The following BIRC6 variants were observed in gnomAD, a reference collection of about 807,000 sequenced individuals.
BIRC6 encodes dual E2 ubiquitin-conjugating enzyme/E3 ubiquitin-protein ligase BIRC6.
BIRC6 carries 98 observed loss-of-function variants against 503.3 expected under a neutral mutation model. That is an observed-to-expected ratio of 0.19 (90% CI 0.17 to 0.23). The LOEUF (loss-of-function observed/expected upper bound fraction) is 0.23. Among genes scored for constraint, BIRC6 ranks in the 10% least tolerant of loss-of-function variants. BIRC6 has a pLI of 1.00. For missense variants in BIRC6, 5,360 were observed against 5,806.0 expected (o/e 0.92, Z 2.50); for synonymous variants, 2,240 against 2,078.7 (o/e 1.08, Z -2.11).
chr2:32,543,513 A>G lies in BIRC6; in HGVS notation c.12564A>G (p.Val4188=), dbSNP rs2057828164. Residue 4188 remains valine (V), a synonymous_variant, in exon 62 of 74, where the codon GTA becomes GTG. Coordinates refer to ENST00000421745, the MANE Select transcript of BIRC6 (RefSeq NM_016252.4). ...ATGCCCAGTGCCTTCTTCGATTGGT[A>G]TTGGGAGTGACAGATGATGGAGAAG... ...RKHAQCLLRL[V]LGVTDDGEGS... The G allele has an allele frequency of 1.9e-6, 3 of 1,613,830 alleles. No individual in the cohort carries two copies. Among genetic ancestry groups the G allele is most frequent in the East Asian group, 2.2e-5 (1 of 44,878 alleles).
intron 1 of BIRC6, among the ~76,000 whole-genome samples, chr2:32,364,757 T>TG (rs999057862): frequency 1.4e-5 from 2 of 146,046 alleles, no homozygotes; most frequent in South Asian, 2.1e-4. Flanking sequence ...TTAGATCGGG[T>TG]GTTTTTTTTT....
rs776885767 is a variant in BIRC6 at position 32,439,528 on chromosome 2, C to T, written c.3652C>T (p.Arg1218Cys). Residue 1218 changes from arginine (R) to cysteine (C), a missense_variant, in exon 16 of 74, where the codon CGT becomes TGT. Physicochemically the swap from Arg to Cys is radical, Grantham distance 180. Around this residue, in one of 16 missense-constraint regions of BIRC6, gnomAD observed 2,299 missense variants for 2,267.2 expected, o/e 1.01. Transcript: ENST00000421745. ...LVKGMAGGKYRSFLIHVKAVN... is the reference protein window; with the variant it reads ...LVKGMAGGKYCSFLIHVKAVN... ...TCTAGGTATGGCAGGAGGAAAATAT[C>T]GTTCGTTTTTAATCCATGTCAAGGC... 3 of 1,613,124 alleles carry T rather than the reference C, an allele frequency of 1.9e-6. No homozygotes were observed. Among genetic ancestry groups the T allele is most frequent in the South Asian group, 1.1e-5 (1 of 90,882 alleles).
intron 66 of BIRC6, chr2:32,590,985 C>T: frequency 1.0e-6 from 1 of 985,790 alleles, no homozygotes; most frequent in Non-Finnish European, 1.2e-6. Flanking sequence ...TAAGGTATGG[C>T]CTTTTTTCAT....
chr2:32,478,840 T>C (rs1242497178), intron 36 of BIRC6, 22 bp downstream of exon 36: 2 of 1,606,960 alleles, frequency 1.2e-6, no homozygotes, highest in South Asian at 1.1e-5. Flanking sequence ...TTTTTCTTCA[T>C]AGAGTATGTC....
intron 65 of BIRC6, among the ~76,000 whole-genome samples, chr2:32,556,326 GTAAAGT>G (rs942935372): frequency 7.2e-5 from 11 of 152,148 alleles, no homozygotes; most frequent in African/African-American, 2.7e-4. Flanking sequence ...GTACAGATTT[GTAAAGT>G]TAAAGTATTA....
At chr2:32,472,073 A>G (rs1311119194) in intron 32 of BIRC6, among the ~76,000 whole-genome samples, 1 of 152,216 alleles carries the variant, frequency 6.6e-6, no homozygotes, top group African/African-American at 2.4e-5. Context: ...ATAAAACTAC[A>G]TTCATATTGA....
intron 62 of BIRC6, 104 bp downstream of exon 62, chr2:32,543,645 C>A (rs1286653098): frequency 3.5e-6 from 4 of 1,154,164 alleles, no homozygotes; most frequent in South Asian, 1.5e-5. Flanking sequence ...CATAGTTAAG[C>A]TGTTAGATGA....
At chr2:32,464,864 A>G in intron 25 of BIRC6, 41 bp downstream of exon 25, 1 of 1,539,826 alleles carries the variant, frequency 6.5e-7, no homozygotes, top group Non-Finnish European at 8.7e-7. Context: ...AGACATTTAA[A>G]AATATCTTGA....
intron 66 of BIRC6, among the ~76,000 whole-genome samples, chr2:32,577,896 T>C (rs534848881): frequency 6.6e-6 from 1 of 152,344 alleles, no homozygotes; most frequent in African/African-American, 2.4e-5. Flanking sequence ...TTCAGACTTA[T>C]AAACTATGTA....
chr2:32,398,160 T>TA (rs1165733438), intron 6 of BIRC6, among the ~76,000 whole-genome samples: 2 of 152,128 alleles, frequency 1.3e-5, no homozygotes, highest in African/African-American at 4.8e-5. Context: ...GTTAAAAACA[T>TA]AAAAAATGGA....
At position 32,377,569 on chromosome 2, in the gene BIRC6, A is replaced by C. The variant is rs1447088993; in HGVS notation, c.326-19A>C. On this transcript the variant is annotated intron_variant, in intron 1 of 73. Transcript: ENST00000421745. The stretch of plus-strand genomic sequence containing the variant: ...TTGGCCTGAAAATCTTAAGTGTTGA[A>C]TTTTTGTTCTTTTAACAGCTAAACC... 3 of 1,584,354 alleles carry C rather than the reference A, an allele frequency of 1.9e-6. No individual in the cohort carries two copies. The highest frequency in any genetic ancestry group is 2.6e-6 in the Non-Finnish European group (3 of 1,165,660).
rs373315959 is a variant in BIRC6, at chr2:32,444,031, G to T, written c.4336+443G>T. The stretch of plus-strand genomic sequence containing the variant: ...TGGAATTTCCTAAAAGGGACCAGTG[G>T]TTTTTTTTTTTTTTTTTTAAAGCAC... On this transcript the variant is annotated intron_variant, in intron 20 of 73. Coordinates refer to ENST00000421745, the MANE Select transcript of BIRC6 (RefSeq NM_016252.4). Among the ~76,000 whole-genome samples the T allele has an allele frequency of 7.3e-5, 10 of 136,876 alleles. No individual in the cohort carries two copies. The East Asian group carries it at 1.0e-3, about 14-fold the overall frequency. 89.8% of individuals were successfully genotyped at this position (136,876 alleles called of 152,430 possible).
chr2:32,456,079 G>A (rs1459338801), intron 23 of BIRC6, among the ~76,000 whole-genome samples: 1 of 152,164 alleles, frequency 6.6e-6, no homozygotes, highest in Non-Finnish European at 1.5e-5. Flanking sequence ...AGTAAAGAAA[G>A]AACATTTCCA....
intron 33 of BIRC6, 28 bp downstream of exon 33, chr2:32,473,267 T>A (rs1232107398): frequency 1.3e-6 from 2 of 1,495,306 alleles, no homozygotes; most frequent in African/African-American, 2.8e-5. Context: ...TAAAAATTTT[T>A]AATGTTTGAG....
intron 8 of BIRC6, among the ~76,000 whole-genome samples, chr2:32,402,557 G>C (rs2040718050): frequency 2.6e-5 from 4 of 152,152 alleles, no homozygotes; most frequent in Non-Finnish European, 1.5e-5. Context: ...AATGGAATTA[G>C]TGGAAAATTT....
chr2:32,614,816 G>C (rs2063130622), intron 73 of BIRC6, among the ~76,000 whole-genome samples: 1 of 152,182 alleles, frequency 6.6e-6, no homozygotes, highest in Admixed American at 6.5e-5. Flanking sequence ...TGGGCAACGA[G>C]TGTAAAATTC....
rs1377195026 is a variant in BIRC6 at position 32,357,329 on chromosome 2, G to A, written c.168G>A (p.Leu56=). ...GAGAAGVSEW[L]VLRDGCMHCD... is the part of the protein sequence containing the mutation. ...GGGCGGCCGGGGTCTCAGAGTGGCT[G>A]GTGCTGCGGGACGGCTGCATGCACT... is the stretch of plus-strand genomic sequence containing the variant. The change falls in exon 1 of 74, where the codon CTG becomes CTA. Residue 56 remains leucine, a synonymous_variant. Transcript: ENST00000421745. This position sits in a 1 kb window ranked among gnomAD's most constrained non-coding sequence, Gnocchi z 4.9. The A allele has an allele frequency of 6.5e-7, 1 of 1,538,838 alleles. No homozygotes were observed. The highest frequency in any genetic ancestry group is 1.2e-5 in the South Asian group (1 of 83,310).
rs1324273340 is a variant in BIRC6, at chr2:32,476,358, T to G, written c.6852+14T>G. On this transcript the variant is annotated intron_variant, in intron 34 of 73. Coordinates refer to ENST00000421745, the MANE Select transcript of BIRC6 (RefSeq NM_016252.4). Reference sequence around the variant, plus strand: ...GCCACTTCAAAGGTATGATCTATACTTTTCAATATAGTTATCTCAGAAAAG... The same window carrying G: ...GCCACTTCAAAGGTATGATCTATACGTTTCAATATAGTTATCTCAGAAAAG... 6.4e-7 allele frequency: 1 copy of G among 1,553,328 alleles called. No homozygotes were observed. Among genetic ancestry groups the G allele is most frequent in the Non-Finnish European group, 8.7e-7 (1 of 1,151,204 alleles).
intron 34 of BIRC6, 121 bp from the exon 35 acceptor site, chr2:32,477,247 C>G (rs2049869360): frequency 1.2e-6 from 1 of 823,492 alleles, no homozygotes; most frequent in Non-Finnish European, 1.9e-6. Flanking sequence ...TACAGTGTAT[C>G]TAAAAATTTT....
Sources: allele counts gnomAD v4.1 joint callset (sites outside exome capture counted in the v4.1 genomes callset), GRCh38; gene constraint gnomAD v4.1.1; regional missense constraint gnomAD v4.1.1; non-coding constraint Gnocchi (gnomAD v3.1); transcripts MANE v1.5; gene names NCBI Gene and HGNC (gene_info 2026-07-23, HGNC 2026-07-21).